ERC2: variants seen among roughly 807,000 people sequenced by gnomAD.
The protein encoded by ERC2 is ELKS/RAB6-interacting/CAST family member 2.
Under a neutral mutation model 114.8 loss-of-function variants are expected in ERC2, and 42 were observed. The ratio of observed to expected loss-of-function variants is 0.37; its 90% CI spans 0.29 to 0.47. The LOEUF (loss-of-function observed/expected upper bound fraction) is 0.47. Among genes scored for constraint, ERC2 ranks in the 20% least tolerant of loss-of-function variants. The probability of loss-of-function intolerance (pLI) is 0.99; values close to 1 mark genes in which losing one functional copy is unlikely to be tolerated. For synonymous variants in ERC2, 454 were observed against 425.5 expected (o/e 1.07, Z -0.82); for missense variants, 939 against 1,150.7 (o/e 0.82, Z 2.66).
At chr3:56,113,756 C>A (rs1417553994) in intron 6 of ERC2, among the ~76,000 whole-genome samples, 1 of 152,138 alleles carries the variant, frequency 6.6e-6, no homozygotes, top group Non-Finnish European at 1.5e-5. Flanking sequence ...ACTTCAGATG[C>A]CAATTGCATG....
chr3:56,238,073 T>C (rs573722390), intron 3 of ERC2, among the ~76,000 whole-genome samples: 72 of 152,334 alleles, frequency 4.7e-4, no homozygotes, highest in African/African-American at 1.6e-3. Context: ...TCCTGGGCCA[T>C]GGACTTTAGA....
chr3:55,652,467 G>A (rs2060667215), intron 17 of ERC2, among the ~76,000 whole-genome samples: 1 of 152,136 alleles, frequency 6.6e-6, no homozygotes, highest in African/African-American at 2.4e-5. Context: ...GCTGTCTGCT[G>A]GTGATCACAT....
At chr3:55,929,641 C>A (rs114843083) in intron 13 of ERC2, among the ~76,000 whole-genome samples, 1,852 of 152,220 alleles carry the variant, frequency 0.012, 14 homozygotes, top group Non-Finnish European at 0.02. Flanking sequence ...GTGTCCCCAC[C>A]CAAATCACGT....
intron 3 of ERC2, among the ~76,000 whole-genome samples, chr3:56,212,459 T>C (rs2049126107): frequency 6.6e-6 from 1 of 152,086 alleles, no homozygotes; most frequent in Admixed American, 6.5e-5. Flanking sequence ...AAATAATAAA[T>C]GTTGGTGTGG....
chr3:56,448,763 A>C (rs567670265), intron 1 of ERC2, among the ~76,000 whole-genome samples: 41 of 152,230 alleles, frequency 2.7e-4, no homozygotes, highest in Non-Finnish European at 5.0e-4. Flanking sequence ...GTGTTCCAGT[A>C]AAATTTTATT....
chr3:56,264,820 C>T (rs1352972348), intron 3 of ERC2, among the ~76,000 whole-genome samples: 1 of 90,272 alleles, frequency 1.1e-5, no homozygotes, highest in Admixed American at 1.3e-4. Flanking sequence ...CAAATATGAC[C>T]TATCCAAAAA....
intron 2 of ERC2, among the ~76,000 whole-genome samples, chr3:56,330,269 G>A (rs2057551267): frequency 6.6e-6 from 1 of 152,092 alleles, no homozygotes; most frequent in Admixed American, 6.6e-5. Context: ...GAATTCCTGG[G>A]CTCAAGTGAT....
intron 13 of ERC2, among the ~76,000 whole-genome samples, chr3:55,911,115 C>T (rs1010768834): frequency 6.6e-6 from 1 of 152,192 alleles, no homozygotes; most frequent in Non-Finnish European, 1.5e-5. Context: ...CATCTAAAAA[C>T]TCACATGCAC....
chr3:56,046,621 A>G (rs1238841511), intron 7 of ERC2, among the ~76,000 whole-genome samples: 3 of 152,152 alleles, frequency 2.0e-5, no homozygotes, highest in African/African-American at 4.8e-5. Flanking sequence ...AAATAATGAG[A>G]CCTGATAAAT....
intron 17 of ERC2, among the ~76,000 whole-genome samples, chr3:55,538,532 T>C (rs150140997): frequency 0.012 from 1,799 of 152,350 alleles, 14 homozygotes; most frequent in Non-Finnish European, 0.019. Context: ...GCTGGCAAAA[T>C]GGGATTTTTC....
chr3:55,709,619 C>T (rs930917318), intron 15 of ERC2, among the ~76,000 whole-genome samples: 15 of 152,194 alleles, frequency 9.9e-5, no homozygotes, highest in East Asian at 1.9e-4. Flanking sequence ...CTTTGACCTT[C>T]GCGCAGAAGT....
intron 2 of ERC2, among the ~76,000 whole-genome samples, chr3:56,392,535 G>A (rs1052746756): frequency 2.6e-5 from 4 of 152,054 alleles, no homozygotes; most frequent in Admixed American, 2.6e-4. Flanking sequence ...TTGTCTAAAG[G>A]TACTGGAACT....
intron 3 of ERC2, among the ~76,000 whole-genome samples, chr3:56,204,609 T>A (rs1160988916): frequency 6.6e-6 from 1 of 151,844 alleles, no homozygotes; most frequent in Non-Finnish European, 1.5e-5. Flanking sequence ...TTCAAGTGAT[T>A]CTCCTACCTC....
intron 14 of ERC2, among the ~76,000 whole-genome samples, chr3:55,749,286 C>G (rs1452109636): frequency 6.6e-6 from 1 of 152,200 alleles, no homozygotes; most frequent in Non-Finnish European, 1.5e-5. Context: ...TGAGATCAGA[C>G]CATCTATCTC....
chr3:55,716,832 C>T (rs78035434), intron 15 of ERC2, among the ~76,000 whole-genome samples: 2,181 of 152,312 alleles, frequency 0.014, 23 homozygotes, highest in African/African-American at 0.035. Flanking sequence ...GATCCAAAAT[C>T]TTGCCATTTA....
chr3:56,098,996 T>G (rs1048122441), intron 6 of ERC2, among the ~76,000 whole-genome samples: 1 of 152,216 alleles, frequency 6.6e-6, no homozygotes. Context: ...TGATCTTGTT[T>G]GGATAAAGTG....
chr3:56,437,049 C>T (rs1010354236), intron 1 of ERC2, among the ~76,000 whole-genome samples: 5 of 152,176 alleles, frequency 3.3e-5, no homozygotes, highest in African/African-American at 7.2e-5. Flanking sequence ...TATGTCTTGG[C>T]AGTGTTTTCC....
intron 2 of ERC2, among the ~76,000 whole-genome samples, chr3:56,430,268 T>C (rs1576925269): frequency 6.6e-6 from 1 of 152,244 alleles, no homozygotes; most frequent in African/African-American, 2.4e-5. Context: ...ATTTCTTTCT[T>C]CCATATAGAA....
chr3:56,023,363 C>A (rs1397555979), intron 7 of ERC2, among the ~76,000 whole-genome samples: 1 of 152,136 alleles, frequency 6.6e-6, no homozygotes, highest in Non-Finnish European at 1.5e-5. Flanking sequence ...TCCGTGTGAT[C>A]TTCTACAATC....
Sources: gnomAD v4.1 joint callset for allele counts (sites outside exome capture counted in the v4.1 genomes callset) on GRCh38, gnomAD v4.1.1 for gene constraint, MANE v1.5 for transcripts, NCBI Gene and HGNC (gene_info 2026-07-23, HGNC 2026-07-21) for gene names.